Variants in MALRD1 observed in about 807,000 individuals in gnomAD.
The protein encoded by MALRD1 is MAM and LDL-receptor class A domain-containing protein 1.
Under a neutral mutation model 242.1 loss-of-function variants are expected in MALRD1, and 247 were observed. That is an observed-to-expected ratio of 1.02 (90% CI 0.92 to 1.13). The LOEUF (loss-of-function observed/expected upper bound fraction) is 1.13. MALRD1 is among the 50% of genes most tolerant of loss of function. The pLI, the probability that MALRD1 is intolerant of heterozygous loss-of-function variation, is 0.00. For missense variants in MALRD1, 2,989 were observed against 2,533.1 expected, an observed-to-expected ratio of 1.18 and a Z score of -3.86; for synonymous variants, 995 against 866.6, an observed-to-expected ratio of 1.15 and a Z score of -2.60.
At chr10:19,518,505 C>T (rs1458828023) in intron 31 of MALRD1, among the ~76,000 whole-genome samples, 1 of 151,900 alleles carries the variant, frequency 6.6e-6, no homozygotes, top group East Asian at 1.9e-4. Flanking sequence ...ATTACAGAGT[C>T]TCTACTGACC....
intron 28 of MALRD1, among the ~76,000 whole-genome samples, chr10:19,390,966 A>C (rs1846312962): frequency 6.6e-6 from 1 of 152,186 alleles, no homozygotes; most frequent in South Asian, 2.1e-4. Flanking sequence ...AACACCCTTG[A>C]AATGTGATAC....
intron 18 of MALRD1, among the ~76,000 whole-genome samples, chr10:19,230,119 G>A (rs558344483): frequency 2.2e-4 from 34 of 152,114 alleles, no homozygotes; most frequent in Admixed American, 1.7e-3. Flanking sequence ...CGTGCCTTTC[G>A]CCTTCTGCTA....
At chr10:19,456,944 A>AT (rs1835690953) in intron 29 of MALRD1, among the ~76,000 whole-genome samples, 1 of 151,864 alleles carries the variant, frequency 6.6e-6, no homozygotes, top group Non-Finnish European at 1.5e-5. Flanking sequence ...AGCTAAAAAA[A>AT]CAAAACAAAA....
At chr10:19,204,573 G>A (rs993699122) in intron 16 of MALRD1, among the ~76,000 whole-genome samples, 160 bp downstream of exon 16, 2 of 152,010 alleles carry the variant, frequency 1.3e-5, no homozygotes, top group Non-Finnish European at 2.9e-5. Context: ...TTTTACCTAG[G>A]AGCGTGTTCT....
chr10:19,155,494 A>G (rs1343464101), intron 12 of MALRD1, among the ~76,000 whole-genome samples: 1 of 152,352 alleles, frequency 6.6e-6, no homozygotes, highest in East Asian at 1.9e-4. Context: ...AAATAAAGTC[A>G]GTTAAATAAG....
rs368477428 is a variant in MALRD1 at position 19,688,964 on chromosome 10, C to A, written c.6138-3318C>A. On this transcript the variant is annotated intron_variant, in intron 36 of 39. Coordinates refer to ENST00000454679, the MANE Select transcript of MALRD1 (RefSeq NM_001142308.3). ...AGCAAATGTCTCTCCCTTCTCCTCCCCCTCCACCTTTATACACTGGGGTGA... is the reference window on the plus strand; with the variant it reads ...AGCAAATGTCTCTCCCTTCTCCTCCACCTCCACCTTTATACACTGGGGTGA... Among the ~76,000 whole-genome samples, 30 of 152,308 alleles carry A rather than the reference C, an allele frequency of 2.0e-4. 1 individual carries two copies. Among genetic ancestry groups the A allele is most frequent in the African/African-American group, 6.7e-4 (28 of 41,570 alleles).
intron 28 of MALRD1, among the ~76,000 whole-genome samples, chr10:19,390,316 G>T (rs1396193653): frequency 6.6e-6 from 1 of 152,090 alleles, no homozygotes; most frequent in Non-Finnish European, 1.5e-5. Flanking sequence ...TAGACATTCT[G>T]GTTCTAAGCA....
At chr10:19,541,542 A>C (rs1254539906) in intron 32 of MALRD1, among the ~76,000 whole-genome samples, 1 of 152,204 alleles carries the variant, frequency 6.6e-6, no homozygotes, top group Non-Finnish European at 1.5e-5. Context: ...AAAATGAAGC[A>C]AAGTATTTTT....
chr10:19,607,455 C>G (rs570914647), intron 34 of MALRD1, among the ~76,000 whole-genome samples: 1 of 152,132 alleles, frequency 6.6e-6, no homozygotes, highest in East Asian at 1.9e-4. Context: ...CCTTTGTTAC[C>G]TTCTTAAAGC....
chr10:19,367,447 T>A (rs2130730485), intron 26 of MALRD1, among the ~76,000 whole-genome samples: 1 of 152,252 alleles, frequency 6.6e-6, no homozygotes, highest in East Asian at 1.9e-4. Context: ...ATGGGATTTC[T>A]TGCCTTTTTA....
At chr10:19,701,839 C>G (rs1833646705) in intron 38 of MALRD1, among the ~76,000 whole-genome samples, 1 of 150,358 alleles carries the variant, frequency 6.7e-6, no homozygotes, top group African/African-American at 2.5e-5. Context: ...CTTCTCCCTT[C>G]TCCCTCCTCC....
intron 30 of MALRD1, among the ~76,000 whole-genome samples, chr10:19,492,039 A>T (rs12357219): frequency 0.033 from 4,893 of 150,400 alleles, 116 homozygotes; most frequent in Middle Eastern, 0.073. Context: ...TTGTATATGC[A>T]GCTGAAAATG....
rs191771380 is a variant in MALRD1, at chr10:19,131,171, C to T, written c.1111-2685C>T. On this transcript the variant is annotated intron_variant, in intron 8 of 39. Coordinates refer to ENST00000454679, the MANE Select transcript of MALRD1 (RefSeq NM_001142308.3). ...TTTTATCACACACTTAAAAGGACTC[C>T]AAACCTATCATTTAAAAAAGTGGCT... Among the ~76,000 whole-genome samples the T allele has an allele frequency of 3.4e-5, 5 of 148,804 alleles. No homozygotes were observed. The East Asian group carries it at 9.7e-4, about 29-fold the overall frequency.
intron 19 of MALRD1, among the ~76,000 whole-genome samples, chr10:19,272,081 T>A (rs1840275931): frequency 6.6e-6 from 1 of 152,102 alleles, no homozygotes; most frequent in South Asian, 2.1e-4. Context: ...CAAAACTGGC[T>A]ATTTATATAA....
At chr10:19,562,978 A>G (rs1399894096) in intron 32 of MALRD1, among the ~76,000 whole-genome samples, 1 of 152,172 alleles carries the variant, frequency 6.6e-6, no homozygotes, top group East Asian at 1.9e-4. Flanking sequence ...AAGACTGGGG[A>G]TCACTGCTCT....
chr10:19,271,413 A>G (rs989679642), intron 19 of MALRD1, among the ~76,000 whole-genome samples: 5 of 152,166 alleles, frequency 3.3e-5, no homozygotes, highest in Admixed American at 2.0e-4. Flanking sequence ...CCCAAATACC[A>G]TTTTATTTAA....
intron 29 of MALRD1, among the ~76,000 whole-genome samples, chr10:19,462,143 T>TG (rs537800379): frequency 1.4e-3 from 210 of 152,302 alleles, no homozygotes; most frequent in African/African-American, 4.5e-3. Flanking sequence ...TCACTATGTC[T>TG]TATTTTCTGT....
intron 21 of MALRD1, among the ~76,000 whole-genome samples, chr10:19,310,720 A>G (rs558401889): frequency 2.6e-5 from 4 of 151,584 alleles, no homozygotes; most frequent in African/African-American, 4.8e-5. Flanking sequence ...TGTTCTTCCA[A>G]TATGACTCTA....
chr10:19,204,554 T>C, intron 16 of MALRD1, 141 bp downstream of exon 16: 1 of 637,338 alleles, frequency 1.6e-6, no homozygotes, highest in East Asian at 2.9e-5. Flanking sequence ...TAAATTCATA[T>C]GATTTTAATT....
Sources: gnomAD v4.1 joint callset for allele counts (sites outside exome capture counted in the v4.1 genomes callset) on GRCh38, gnomAD v4.1.1 for gene constraint, MANE v1.5 for transcripts, NCBI Gene and HGNC (gene_info 2026-07-23, HGNC 2026-07-21) for gene names.